The following ROBO2 variants were observed in gnomAD, a reference collection of about 807,000 sequenced individuals.
The protein encoded by ROBO2 is roundabout guidance receptor 2, also known as roundabout homolog 2.
A neutral mutation model predicts 160.8 loss-of-function variants in ROBO2; 53 were observed. That is an observed-to-expected ratio of 0.33 (90% CI 0.26 to 0.41). The LOEUF is 0.41. Among genes scored for constraint, ROBO2 ranks in the 10% least tolerant of loss-of-function variants. The pLI, the probability that ROBO2 is intolerant of heterozygous loss-of-function variation, is 1.00. For missense variants in ROBO2, 1,577 were observed against 1,722.4 expected (o/e 0.92, Z 1.49); for synonymous variants, 664 against 611.7 (o/e 1.09, Z -1.26).
At chr3:76,397,226 G>T (rs2077510720) in intron 2 of ROBO2, among the ~76,000 whole-genome samples, 2 of 152,150 alleles carry the variant, frequency 1.3e-5, no homozygotes, top group South Asian at 4.1e-4. Flanking sequence ...AATGGGGAAA[G>T]GATTCCCTAT....
rs185458270 is a variant in ROBO2 at position 77,324,853 on chromosome 3, G to A, written c.389-152561G>A. 7.8e-3 allele frequency among the ~76,000 whole-genome samples: 1,160 copies of A among 147,912 alleles called. 6 individuals carry two copies. Among genetic ancestry groups the A allele is most frequent in the Non-Finnish European group, 0.012 (825 of 67,778 alleles). ...CAAAAATGAATTTTTAAACTAGCGC[G>A]TGTTTCCTGTAATTCTTAAAATTAA... On this transcript the variant is annotated intron_variant, in intron 2 of 25. Coordinates refer to ENST00000461745, the Ensembl canonical transcript of ROBO2.
intron 1 of ROBO2, among the ~76,000 whole-genome samples, chr3:75,932,595 C>T (rs1013068448): frequency 2.6e-5 from 4 of 152,160 alleles, no homozygotes; most frequent in Non-Finnish European, 5.9e-5. Context: ...TTATGCACTA[C>T]ACTTTGGGAG....
At chr3:76,089,750 G>T (rs1004072759) in intron 2 of ROBO2, among the ~76,000 whole-genome samples, 1 of 152,082 alleles carries the variant, frequency 6.6e-6, no homozygotes, top group Non-Finnish European at 1.5e-5. Flanking sequence ...GAAACTCAAA[G>T]CTTCCTCATT....
intron 2 of ROBO2, among the ~76,000 whole-genome samples, chr3:76,369,575 C>A (rs959406722): frequency 1.3e-5 from 2 of 151,856 alleles, no homozygotes; most frequent in Non-Finnish European, 2.9e-5. Context: ...TAGATAGATG[C>A]TTCAAATTTG....
intron 2 of ROBO2, among the ~76,000 whole-genome samples, chr3:77,195,199 A>G (rs542523128): frequency 6.6e-6 from 1 of 152,300 alleles, no homozygotes; most frequent in African/African-American, 2.4e-5. Context: ...TAAATTTGCC[A>G]TATGAGCAAT....
At chr3:77,404,230 C>A (rs1477858988) in intron 2 of ROBO2, among the ~76,000 whole-genome samples, 3 of 152,058 alleles carry the variant, frequency 2.0e-5, no homozygotes, top group African/African-American at 7.2e-5. Flanking sequence ...AGTTTATGTA[C>A]ACAGCCCCTC....
chr3:77,250,397 A>G (rs2090198908), intron 2 of ROBO2, among the ~76,000 whole-genome samples: 1 of 152,148 alleles, frequency 6.6e-6, no homozygotes, highest in Non-Finnish European at 1.5e-5. Context: ...ATAGTTTCAT[A>G]AATGGAAATG....
intron 2 of ROBO2, among the ~76,000 whole-genome samples, chr3:76,236,047 T>C (rs562991002): frequency 1.3e-5 from 2 of 152,284 alleles, no homozygotes; most frequent in East Asian, 3.9e-4. Context: ...TTCTGCCTTA[T>C]TTGGTTGTTA....
chr3:76,732,779 C>A (rs979674210), intron 2 of ROBO2, among the ~76,000 whole-genome samples: 1 of 152,118 alleles, frequency 6.6e-6, no homozygotes, highest in African/African-American at 2.4e-5. Context: ...GAAGGACTGG[C>A]AACATAATTT....
chr3:77,244,615 C>T (rs187852268), intron 2 of ROBO2, among the ~76,000 whole-genome samples: 258 of 152,172 alleles, frequency 1.7e-3, no homozygotes, highest in African/African-American at 5.9e-3. Context: ...CGCGGTGGCT[C>T]ATGCCTGTAA....
rs191867958 is a variant in ROBO2, at chr3:77,232,437, T to C, written c.388+134097T>C. 3.4e-3 allele frequency among the ~76,000 whole-genome samples: 513 copies of C among 152,104 alleles called. 1 individual carries two copies. The highest frequency in any genetic ancestry group is 0.012 in the African/African-American group (488 of 41,508). On this transcript the variant is annotated intron_variant, in intron 2 of 25. Coordinates refer to ENST00000461745, the Ensembl canonical transcript of ROBO2. ...CAGTGGAAAGAGTGAGAGACAAGAA[T>C]GGTGAATCTGATAAAAATGGATTCT...
intron 2 of ROBO2, among the ~76,000 whole-genome samples, chr3:76,806,976 A>G (rs1189996061): frequency 6.6e-6 from 1 of 152,050 alleles, no homozygotes; most frequent in Non-Finnish European, 1.5e-5. Context: ...GATTAATGAG[A>G]AATTAGATTA....
intron 2 of ROBO2, among the ~76,000 whole-genome samples, chr3:76,173,985 G>A (rs1253407721): frequency 1.3e-5 from 2 of 152,102 alleles, no homozygotes; most frequent in East Asian, 3.9e-4. Context: ...CACCAACAGC[G>A]TGAAAGCATT....
At chr3:76,402,036 G>C (rs1051395739) in intron 2 of ROBO2, among the ~76,000 whole-genome samples, 8 of 151,424 alleles carry the variant, frequency 5.3e-5, no homozygotes, top group African/African-American at 1.7e-4. Flanking sequence ...ACAAATATAA[G>C]CCTTGGTGTC....
At chr3:75,937,540 C>T (rs1947839974) in exon 2 of ROBO2, 1 of 1,578,202 alleles carries the variant, frequency 6.3e-7, no homozygotes, top group Non-Finnish European at 8.6e-7. Context: ...TGGACATGGG[C>T]TCCGGGACTG....
chr3:76,950,188 A>G (rs1371252618), intron 2 of ROBO2, among the ~76,000 whole-genome samples: 4 of 152,150 alleles, frequency 2.6e-5, no homozygotes, highest in African/African-American at 4.8e-5. Context: ...GAGGATTACA[A>G]TTTTTCATGT....
intron 2 of ROBO2, among the ~76,000 whole-genome samples, chr3:76,737,938 A>G (rs1203253391): frequency 1.3e-5 from 2 of 152,112 alleles, no homozygotes; most frequent in Admixed American, 1.3e-4. Flanking sequence ...CTTGGGTTCA[A>G]GACCAGCCTG....
At chr3:77,411,924 T>G (rs2076837720) in intron 2 of ROBO2, among the ~76,000 whole-genome samples, 1 of 152,194 alleles carries the variant, frequency 6.6e-6, no homozygotes, top group African/African-American at 2.4e-5. Context: ...CATGTTCAAA[T>G]GTTCAAATTA....
intron 2 of ROBO2, among the ~76,000 whole-genome samples, chr3:76,051,265 A>ATGTATTCC (rs140342638): frequency 5.1e-5 from 1 of 19,728 alleles, no homozygotes; most frequent in Non-Finnish European, 8.1e-5. Flanking sequence ...GTACTTTGAT[A>ATGTATTCC]TGTCACTATG....
Sources: gnomAD v4.1 joint callset for allele counts (sites outside exome capture counted in the v4.1 genomes callset) on GRCh38, gnomAD v4.1.1 for gene constraint, MANE v1.5 for transcripts, NCBI Gene and HGNC (gene_info 2026-07-23, HGNC 2026-07-21) for gene names.